ETS1: variants seen among roughly 807,000 people sequenced by gnomAD.
The protein encoded by ETS1 is ETS proto-oncogene 1, transcription factor, also known as protein C-ets-1.
A neutral mutation model predicts 58.6 loss-of-function variants in ETS1; 15 were observed. The ratio of observed to expected loss-of-function variants is 0.26; its 90% confidence interval spans 0.17 to 0.39. The LOEUF is 0.39. Ranked by LOEUF, ETS1 falls within the 10% of genes least tolerant of loss-of-function variation. The pLI, the probability that ETS1 is intolerant of heterozygous loss-of-function variation, is 1.00. For missense variants in ETS1, 417 were observed against 610.5 expected, an observed-to-expected ratio of 0.68 and a Z score of 3.34; for synonymous variants, 214 against 218.2, an observed-to-expected ratio of 0.98 and a Z score of 0.17.
intron 2 of ETS1, among the ~76,000 whole-genome samples, chr11:128,558,101 A>C (rs1314604775): frequency 2.0e-5 from 3 of 152,248 alleles, no homozygotes; most frequent in African/African-American, 7.2e-5. Flanking sequence ...CATTCAAATT[A>C]GAGCTGGATG....
chr11:128,474,157 G>C (rs527891694), intron 8 of ETS1, among the ~76,000 whole-genome samples: 48 of 152,192 alleles, frequency 3.2e-4, no homozygotes, highest in Non-Finnish European at 5.6e-4. Context: ...GTCAACCCGT[G>C]AGTCTCCTGG....
At chr11:128,547,713 A>G (rs888699625) in intron 3 of ETS1, among the ~76,000 whole-genome samples, 65 of 152,058 alleles carry the variant, frequency 4.3e-4, no homozygotes, top group African/African-American at 1.5e-3. Context: ...AGTTTGAAAG[A>G]GGCAAACAAT....
chr11:128,476,647 T>C (rs951678348), intron 8 of ETS1, among the ~76,000 whole-genome samples: 2 of 152,260 alleles, frequency 1.3e-5, no homozygotes, highest in African/African-American at 2.4e-5. Context: ...GAGATGCCTA[T>C]GTTTTTCAAG....
chr11:128,515,999 A>G (rs1434642333), intron 3 of ETS1, among the ~76,000 whole-genome samples: 1 of 152,232 alleles, frequency 6.6e-6, no homozygotes, highest in African/African-American at 2.4e-5. Context: ...TTGAATAGCA[A>G]TATTTTGAGC....
chr11:128,484,735 A>T (rs376962414), intron 7 of ETS1, 88 bp downstream of exon 7: 1 of 1,269,212 alleles, frequency 7.9e-7, no homozygotes, highest in East Asian at 2.3e-5. Flanking sequence ...CTAATAAATA[A>T]GAAAAAAAAA....
chr11:128,500,193 G>C (rs1045946988), intron 3 of ETS1, among the ~76,000 whole-genome samples: 6 of 152,070 alleles, frequency 3.9e-5, no homozygotes, highest in Non-Finnish European at 8.8e-5. Context: ...GAGGAGAGCT[G>C]GCCAAGAAGG....
chr11:128,489,494 A>T lies in ETS1; in HGVS notation c.335-4T>A. 6.2e-7 allele frequency: 1 copy of T among 1,613,066 alleles called. No homozygotes were observed. The highest frequency in any genetic ancestry group is 8.5e-7 in the Non-Finnish European group (1 of 1,179,728). Reference sequence around the variant, plus strand: ...GTTTCTGTCCACTGCCGGGGGTCTGAGGAAAGAGATCAGATGAAGATCCAG... The same window carrying T: ...GTTTCTGTCCACTGCCGGGGGTCTGTGGAAAGAGATCAGATGAAGATCCAG... On this transcript the variant is annotated splice_region_variant and splice_polypyrimidine_tract_variant and intron_variant, in intron 4 of 9. Coordinates refer to ENST00000392668, the MANE Select transcript of ETS1 (RefSeq NM_001143820.2).
intron 2 of ETS1, among the ~76,000 whole-genome samples, chr11:128,569,204 C>G (rs978323431): frequency 1.3e-5 from 2 of 152,078 alleles, no homozygotes; most frequent in African/African-American, 4.8e-5. Flanking sequence ...AGACACATCT[C>G]CAGGCATTGC....
chr11:128,489,274 G>C lies in ETS1; in HGVS notation c.535+16C>G. 6.2e-7 allele frequency: 1 copy of C among 1,611,286 alleles called. No individual in the cohort carries two copies. The highest frequency in any genetic ancestry group is 8.5e-7 in the Non-Finnish European group (1 of 1,177,538). ...CCCCACATAACCTCCACCTCTCTCT[G>C]TTTCCACATATTTACCTTTCTGCAG... On this transcript the variant is annotated intron_variant, in intron 5 of 9. Coordinates refer to ENST00000392668, the MANE Select transcript of ETS1 (RefSeq NM_001143820.2).
intron 3 of ETS1, among the ~76,000 whole-genome samples, chr11:128,508,157 G>A (rs1263306276): frequency 6.6e-6 from 1 of 152,168 alleles, no homozygotes; most frequent in Middle Eastern, 3.2e-3. Context: ...AAAATTTTCT[G>A]TAACCAGGTT....
rs183048136 is a variant in ETS1, at chr11:128,581,233, C to T, written c.-15+6255G>A. On this transcript the variant is annotated intron_variant, in intron 1 of 9. Coordinates refer to ENST00000392668, the MANE Select transcript of ETS1 (RefSeq NM_001143820.2). ...ATCAAGGAAATACATTAAAACCTGC[C>T]GACTCTTAGGTCTAGGAATCTAACT... is the stretch of plus-strand genomic sequence containing the variant. Among the ~76,000 whole-genome samples, 45 of 152,250 alleles carry T rather than the reference C, an allele frequency of 3.0e-4. 1 individual carries two copies. The East Asian group carries it at 8.3e-3, about 28-fold the overall frequency.
chr11:128,509,714 G>A (rs560843589), intron 3 of ETS1, among the ~76,000 whole-genome samples: 8 of 152,180 alleles, frequency 5.3e-5, no homozygotes, highest in African/African-American at 1.9e-4. Context: ...CCTCTTAGAA[G>A]AATGTTAGAA....
rs765592515 is a variant in ETS1, at chr11:128,461,384, G to A, written c.*977C>T. 6 of 152,802 alleles carry A rather than the reference G, an allele frequency of 3.9e-5. No homozygotes were observed. Among genetic ancestry groups the A allele is most frequent in the East Asian group, 1.9e-4 (1 of 5,320 alleles). 9.5% of individuals were successfully genotyped at this position (152,802 alleles called of 1,614,324 possible). ...TCCAGGACTTCAACAGTGCTCCTAC[G>A]TTTACTGTCGTCCAAAACCAGGGAT... On this transcript the variant is annotated 3_prime_UTR_variant, in exon 10 of 10. Transcript: ENST00000392668.
intron 2 of ETS1, among the ~76,000 whole-genome samples, chr11:128,560,086 T>C (rs918128863): frequency 6.6e-6 from 1 of 151,548 alleles, no homozygotes; most frequent in African/African-American, 2.4e-5. Context: ...CAGTGCCCCC[T>C]GGCACTCTGC....
intron 7 of ETS1, among the ~76,000 whole-genome samples, chr11:128,483,610 G>A (rs915500696): frequency 6.6e-6 from 1 of 152,224 alleles, no homozygotes; most frequent in African/African-American, 2.4e-5. Context: ...GGGGCCTTAA[G>A]AAGGAAGATT....
chr11:128,573,183 C>T, intron 1 of ETS1, 39 bp from the exon 2 acceptor site: 1 of 1,446,114 alleles, frequency 6.9e-7, no homozygotes, highest in Non-Finnish European at 9.5e-7. Context: ...TCTGGATGCT[C>T]ACAGGTTTGT....
intron 2 of ETS1, among the ~76,000 whole-genome samples, chr11:128,564,228 GA>G (rs1864452571): frequency 6.6e-6 from 1 of 152,200 alleles, no homozygotes; most frequent in African/African-American, 2.4e-5. Flanking sequence ...TGAGGGTGGT[GA>G]GGGGGTGCAG....
At chr11:128,508,578 A>G (rs1039862974) in intron 3 of ETS1, among the ~76,000 whole-genome samples, 3 of 152,148 alleles carry the variant, frequency 2.0e-5, no homozygotes, top group African/African-American at 7.2e-5. Flanking sequence ...AAGCACCCTA[A>G]ATGTAAATCC....
Position 128,459,379 on chromosome 11 carries a change from A to G in ETS1, c.*2982T>C, listed in dbSNP as rs80112582. 0.019 allele frequency: 2,922 copies of G among 152,864 alleles called. 38 individuals carry two copies. Among genetic ancestry groups the G allele is most frequent in the Non-Finnish European group, 0.026 (1,747 of 68,020 alleles). 9.5% of individuals were successfully genotyped at this position (152,864 alleles called of 1,614,324 possible). ...TAGGCAGGTTAATGCTGTAAAACCC[A>G]GAGTGTTCATCTCCAAAGTGAGGAA... is the stretch of plus-strand genomic sequence containing the variant. On this transcript the variant is annotated 3_prime_UTR_variant, in exon 10 of 10. Transcript: ENST00000392668.
Sources: gnomAD v4.1 joint callset for allele counts (sites outside exome capture counted in the v4.1 genomes callset) on GRCh38, gnomAD v4.1.1 for gene constraint, MANE v1.5 for transcripts, NCBI Gene and HGNC (gene_info 2026-07-23, HGNC 2026-07-21) for gene names.